Variants in PTGIR observed in about 807,000 individuals in gnomAD.
The protein encoded by PTGIR is prostacyclin receptor.
In PTGIR, 16 loss-of-function variants were observed where a neutral mutation model predicts 17.6. That is an observed-to-expected ratio of 0.91 (90% CI 0.61 to 1.38). The LOEUF is 1.38. PTGIR is among the 40% of genes most tolerant of loss of function. The probability of loss-of-function intolerance (pLI) is 0.00; values close to 1 mark genes in which losing one functional copy is unlikely to be tolerated. For missense variants in PTGIR, 532 were observed against 548.6 expected (o/e 0.97, Z 0.30); for synonymous variants, 274 against 255.4 (o/e 1.07, Z -0.69).
At chr19:46,624,353 C>A in intron 1 of PTGIR, 116 bp from the exon 2 acceptor site, 1 of 952,070 alleles carries the variant, frequency 1.1e-6, no homozygotes, top group Non-Finnish European at 1.5e-6. Context: ...CCAGCCAACC[C>A]CCAGTTCTCC....
rs776794335 is a variant in PTGIR, at chr19:46,624,109, G to C, written c.117C>G (p.Ser39Arg). 2.6e-6 allele frequency: 4 copies of C among 1,539,230 alleles called. No individual in the cohort carries two copies. Among genetic ancestry groups the C allele is most frequent in the Non-Finnish European group, 8.7e-7 (1 of 1,149,118 alleles). ...CCGAGGGGCGCGCCGGTCGCCGTGC[G>C]CTCAGGATGCCCAGGGCCAGCCCGT... Reference protein sequence around the residue: ...VGNGLALGILSARRPARPSAF... With the variant: ...VGNGLALGILRARRPARPSAF... The change falls in exon 2 of 3, where the codon AGC becomes AGG. Residue 39 changes from serine to arginine, a missense_variant. Coordinates refer to ENST00000291294, the MANE Select transcript of PTGIR (RefSeq NM_000960.4).
At chr19:46,612,415 A>G in the PTGIR span, among the ~76,000 whole-genome samples, 1 of 152,160 alleles carries the variant, frequency 6.6e-6, no homozygotes, top group African/African-American at 2.4e-5. Flanking sequence ...TTCCTGCTTC[A>G]TGGGCTGCCT....
intron 1 of PTGIR, 89 bp from the exon 2 acceptor site, chr19:46,624,326 T>G: frequency 7.7e-7 from 1 of 1,305,420 alleles, no homozygotes; most frequent in Non-Finnish European, 9.9e-7. Context: ...GCCAGTCCTT[T>G]TGGCAGCTGG....
downstream of PTGIR, among the ~76,000 whole-genome samples, chr19:46,616,416 C>G (rs1971964452): frequency 6.8e-6 from 1 of 147,718 alleles, no homozygotes; most frequent in South Asian, 2.2e-4. Context: ...TCACTGCAAC[C>G]TCTGCCTCCT....
the PTGIR span, among the ~76,000 whole-genome samples, chr19:46,611,156 G>A: frequency 3.6e-4 from 55 of 151,804 alleles, 1 homozygote; most frequent in East Asian, 0.01. Flanking sequence ...TCCCCTAGCC[G>A]GGTAGGGGAA....
Position 46,621,028 on chromosome 19 carries a change from G to A in PTGIR, c.*252C>T. 1 of 1,198,948 alleles carries A rather than the reference G, an allele frequency of 8.3e-7. No homozygotes were observed. The highest frequency in any genetic ancestry group is 1.0e-6 in the Non-Finnish European group (1 of 966,582). 74.3% of individuals were successfully genotyped at this position (1,198,948 alleles called of 1,614,324 possible). The stretch of plus-strand genomic sequence containing the variant: ...GAGATGGATGGGGAATCCAGGGCCA[G>A]AGCAGGTCGGCCAGGCCACTGGTTA... On this transcript the variant is annotated 3_prime_UTR_variant, in exon 3 of 3. Transcript: ENST00000291294. This position sits in a 1 kb window ranked among gnomAD's most constrained non-coding sequence, Gnocchi z 4.8.
At chr19:46,619,346 T>A (rs77692256), downstream of PTGIR, among the ~76,000 whole-genome samples, 1 of 151,362 alleles carries the variant, frequency 6.6e-6, no homozygotes, top group Non-Finnish European at 1.5e-5. Context: ...TACAAAAAAA[T>A]TAGCCAGAGG....
At chr19:46,617,314 G>A (rs930985631), downstream of PTGIR, among the ~76,000 whole-genome samples, 12 of 152,196 alleles carry the variant, frequency 7.9e-5, no homozygotes, top group African/African-American at 2.7e-4. Context: ...ACAGTCAGGG[G>A]CCAGGATCCC....
At chr19:46,619,662 G>GAAAGAAAGAAAAGAAAAGA (rs1972030628), downstream of PTGIR, among the ~76,000 whole-genome samples, 4 of 128,534 alleles carry the variant, frequency 3.1e-5, no homozygotes, top group South Asian at 5.3e-4. Flanking sequence ...AGAAAAGAAA[G>GAAAGAAAGAAAAGAAAAGA]AAAGAAAGAA....
At position 46,621,421 on chromosome 19, in the gene PTGIR, C is replaced by T; in HGVS notation, c.1020G>A (p.Val340=). The part of the protein sequence containing the change: ...RRDPRAPSAP[V]GKEGSCVPLS... ...AAGGCACGCAGCTCCCCTCCTTTCC[C>T]ACAGGAGCAGAGGGGGCCCTTGGGT... The change falls in exon 3 of 3, where the codon GTG becomes GTA. Residue 340 remains valine (V), a synonymous_variant. Transcript: ENST00000291294. This position sits in a 1 kb window ranked among gnomAD's most constrained non-coding sequence, Gnocchi z 4.8. 2 of 1,610,564 alleles carry T rather than the reference C, an allele frequency of 1.2e-6. No homozygotes were observed. The highest frequency in any genetic ancestry group is 2.2e-5 in the South Asian group (2 of 90,970).
Position 46,621,764 on chromosome 19 carries a change from G to T in PTGIR, c.769-92C>A. On this transcript the variant is annotated intron_variant, in intron 2 of 2. Coordinates refer to ENST00000291294, the MANE Select transcript of PTGIR (RefSeq NM_000960.4). This position sits in a 1 kb window ranked among gnomAD's most constrained non-coding sequence, Gnocchi z 4.8. The stretch of plus-strand genomic sequence containing the variant: ...CTCCCACTTGCTTACCAGGGATGAG[G>T]TAGGGGTGACATGTCAGAGGGGAAG... 6.7e-7 allele frequency: 1 copy of T among 1,496,534 alleles called. No individual in the cohort carries two copies. Among genetic ancestry groups the T allele is most frequent in the Non-Finnish European group, 8.9e-7 (1 of 1,122,760 alleles). 92.7% of individuals were successfully genotyped at this position (1,496,534 alleles called of 1,614,324 possible). A position where few individuals can be genotyped will look rare whatever the true frequency, so the allele number is the denominator to read the frequency against.
At chr19:46,614,656 C>A in the PTGIR span, among the ~76,000 whole-genome samples, 5 of 152,184 alleles carry the variant, frequency 3.3e-5, no homozygotes, top group South Asian at 1.0e-3. Context: ...GTAGGTGGAT[C>A]ACCTGAGGTC....
downstream of PTGIR, among the ~76,000 whole-genome samples, chr19:46,615,520 T>C (rs1211230529): frequency 1.3e-5 from 2 of 152,148 alleles, no homozygotes. Flanking sequence ...AAACATTTCT[T>C]TTTGAGACGG....
Position 46,624,057 on chromosome 19 carries a change from C to G in PTGIR, c.169G>C (p.Ala57Pro), listed in dbSNP as rs1420938646. The G allele has an allele frequency of 6.5e-7, 1 of 1,538,240 alleles. No individual in the cohort carries two copies. Among genetic ancestry groups the G allele is most frequent in the Non-Finnish European group, 8.7e-7 (1 of 1,144,764 alleles). Residue 57 changes from alanine to proline, a missense_variant, in exon 2 of 3, where the codon GCG becomes CCG. Transcript: ENST00000291294. ...CTGGTGCCCAGCAGGTCGGTGGCCGCCAGTCCGGTCACCAGCACCGCGAAG... is the reference window on the plus strand; with the variant it reads ...CTGGTGCCCAGCAGGTCGGTGGCCGGCAGTCCGGTCACCAGCACCGCGAAG... ...SAFAVLVTGL[A>P]ATDLLGTSFL...
downstream of PTGIR, among the ~76,000 whole-genome samples, chr19:46,619,604 G>GAAAGAAAGAAA (rs1555816591): frequency 3.1e-4 from 21 of 67,232 alleles, no homozygotes; most frequent in South Asian, 6.3e-4. Flanking sequence ...AAGAAAGAAA[G>GAAAGAAAGAAA]GAAAGAAAGA....
rs907517798 is a variant in PTGIR, at chr19:46,620,617, C to A, written c.*663G>T. ...CTGTCTCCCCACCACCTGCACCCCC[C>A]CAGTTCTCATCTTGCAGCCAGTCAA... is the stretch of plus-strand genomic sequence containing the variant. On this transcript the variant is annotated 3_prime_UTR_variant, in exon 3 of 3. Transcript: ENST00000291294. 2.0e-6 allele frequency: 2 copies of A among 985,716 alleles called. No homozygotes were observed. Among genetic ancestry groups the A allele is most frequent in the Non-Finnish European group, 2.4e-6 (2 of 830,124 alleles). 61.1% of individuals were successfully genotyped at this position (985,716 alleles called of 1,614,324 possible).
chr19:46,617,353 G>A (rs1389239263), downstream of PTGIR, among the ~76,000 whole-genome samples: 3 of 152,154 alleles, frequency 2.0e-5, no homozygotes, highest in African/African-American at 2.4e-5. Context: ...AATCACCCCC[G>A]AGGGGCAAAG....
At chr19:46,615,087 G>A in the PTGIR span, among the ~76,000 whole-genome samples, 28,289 of 152,124 alleles carry the variant, frequency 0.19, 3,379 homozygotes, top group African/African-American at 0.34. Flanking sequence ...TAGTCGAGAG[G>A]CTGAGGCCCA....
intron 2 of PTGIR, 124 bp downstream of exon 2, chr19:46,623,334 G>A (rs764607841): frequency 3.3e-5 from 40 of 1,205,896 alleles, no homozygotes; most frequent in Non-Finnish European, 2.7e-5. Flanking sequence ...TTACAGGCGT[G>A]AGCCACCATG....
Sources: allele counts gnomAD v4.1 joint callset (sites outside exome capture counted in the v4.1 genomes callset), GRCh38; gene constraint gnomAD v4.1.1; non-coding constraint Gnocchi (gnomAD v3.1); transcripts MANE v1.5; gene names NCBI Gene and HGNC (gene_info 2026-07-23, HGNC 2026-07-21).